The following CTNNA2 variants were observed in gnomAD, a reference collection of about 807,000 sequenced individuals.
The protein encoded by CTNNA2 is catenin alpha-2.
In CTNNA2, 42 loss-of-function variants were observed where a neutral mutation model predicts 101.0. The observed-to-expected ratio is 0.42, with a 90% CI of 0.32 to 0.54. The LOEUF (loss-of-function observed/expected upper bound fraction) is 0.54, where lower values mean the gene tolerates loss of function less well. Ranked by LOEUF, CTNNA2 falls within the 20% of genes least tolerant of loss-of-function variation. CTNNA2 has a pLI of 0.14. For synonymous variants in CTNNA2, 450 were observed against 456.4 expected, an observed-to-expected ratio of 0.99 and a Z score of 0.18; for missense variants, 871 against 1,223.1, an observed-to-expected ratio of 0.71 and a Z score of 4.29.
chr2:79,344,872 AT>A (rs1677225374), intron 3 of CTNNA2, among the ~76,000 whole-genome samples: 1 of 140,750 alleles, frequency 7.1e-6, no homozygotes, highest in African/African-American at 2.8e-5. Flanking sequence ...TATTATATTT[AT>A]ATATATAATA....
At chr2:80,050,661 A>G (rs889121350) in intron 7 of CTNNA2, among the ~76,000 whole-genome samples, 1 of 152,196 alleles carries the variant, frequency 6.6e-6, no homozygotes, top group Admixed American at 6.5e-5. Flanking sequence ...TACAAGCCAT[A>G]GACCCAAACC....
chr2:79,235,482 C>T (rs1324349974), intron 2 of CTNNA2, among the ~76,000 whole-genome samples: 3 of 152,048 alleles, frequency 2.0e-5, no homozygotes, highest in Non-Finnish European at 4.4e-5. Context: ...GTTGCCCCTT[C>T]TGACCGCTGA....
chr2:80,525,461 G>A (rs548446851), intron 9 of CTNNA2, among the ~76,000 whole-genome samples: 101 of 152,140 alleles, frequency 6.6e-4, no homozygotes, highest in African/African-American at 2.3e-3. Context: ...CAAGTTCAGC[G>A]ACTCTGAATC....
intron 7 of CTNNA2, among the ~76,000 whole-genome samples, chr2:80,389,623 G>A (rs1370154759): frequency 2.0e-5 from 3 of 152,134 alleles, no homozygotes; most frequent in Non-Finnish European, 2.9e-5. Flanking sequence ...AGGACATAAT[G>A]GCTTCCAAGT....
intron 7 of CTNNA2, among the ~76,000 whole-genome samples, chr2:80,142,208 T>C (rs1202843322): frequency 1.3e-5 from 2 of 152,182 alleles, no homozygotes; most frequent in South Asian, 2.1e-4. Context: ...CTTCATGTAT[T>C]TGACTTATGA....
rs115113139 is a variant in CTNNA2, at chr2:79,789,704, G to T, written c.298+45122G>T. Among the ~76,000 whole-genome samples the T allele has an allele frequency of 3.6e-3, 552 of 152,232 alleles. 4 individuals are homozygous for T. Among genetic ancestry groups the T allele is most frequent in the African/African-American group, 0.012 (511 of 41,556 alleles). On this transcript the variant is annotated intron_variant, in intron 3 of 18. Transcript: ENST00000402739. Reference sequence around the variant, plus strand: ...ACATTTTTACGGTAGAGTTGAGAGTGTGTGGTGAGTGGAAATGGGAAGTGG... The same window carrying T: ...ACATTTTTACGGTAGAGTTGAGAGTTTGTGGTGAGTGGAAATGGGAAGTGG...
At chr2:79,971,263 A>G (rs944897300) in intron 7 of CTNNA2, among the ~76,000 whole-genome samples, 1 of 152,164 alleles carries the variant, frequency 6.6e-6, no homozygotes. Flanking sequence ...ACTCAAAAAT[A>G]TACTTTCTTT....
At chr2:80,161,186 T>C (rs1047719833) in intron 7 of CTNNA2, among the ~76,000 whole-genome samples, 4 of 152,150 alleles carry the variant, frequency 2.6e-5, no homozygotes, top group African/African-American at 9.7e-5. Flanking sequence ...CAGCTAATTT[T>C]TGTACTTTTA....
intron 3 of CTNNA2, among the ~76,000 whole-genome samples, chr2:79,821,057 G>T (rs753283763): frequency 4.6e-5 from 7 of 152,054 alleles, no homozygotes; most frequent in Non-Finnish European, 8.8e-5. Context: ...ACAAAAATTG[G>T]TAACTAAACA....
chr2:80,358,741 T>TA (rs1453942626), intron 7 of CTNNA2, among the ~76,000 whole-genome samples: 1 of 152,188 alleles, frequency 6.6e-6, no homozygotes, highest in Admixed American at 6.5e-5. Flanking sequence ...AGTAGATATA[T>TA]AAAATGTTAT....
intron 9 of CTNNA2, among the ~76,000 whole-genome samples, chr2:80,524,249 T>C (rs915150646): frequency 5.3e-5 from 8 of 152,144 alleles, no homozygotes; most frequent in African/African-American, 1.9e-4. Context: ...ATCTGTAAAT[T>C]AGGGGTTAGA....
At chr2:79,573,924 T>C (rs1675624376) in intron 1 of CTNNA2, 1 of 154,328 alleles carries the variant, frequency 6.5e-6, no homozygotes, top group South Asian at 2.0e-4. Flanking sequence ...ATAGTCTTTA[T>C]TGATCAACAC....
intron 7 of CTNNA2, among the ~76,000 whole-genome samples, chr2:80,381,183 G>T (rs1043969701): frequency 6.6e-6 from 1 of 151,658 alleles, no homozygotes; most frequent in Non-Finnish European, 1.5e-5. Flanking sequence ...TGGGGTTGGG[G>T]GCAGCCTGGC....
chr2:80,129,289 G>A (rs1032913334), intron 7 of CTNNA2, among the ~76,000 whole-genome samples: 1 of 152,184 alleles, frequency 6.6e-6, no homozygotes, highest in Admixed American at 6.5e-5. Context: ...CAGGGGTCCC[G>A]CATTAAGCAG....
At chr2:79,389,576 G>A (rs931331339) in intron 4 of CTNNA2, among the ~76,000 whole-genome samples, 12 of 152,150 alleles carry the variant, frequency 7.9e-5, no homozygotes, top group African/African-American at 1.9e-4. Flanking sequence ...GAATAAACAA[G>A]GGCCAATTTA....
At position 80,069,704 on chromosome 2, in the gene CTNNA2, A is replaced by G. The variant is rs553742527; in HGVS notation, c.1056+159907A>G. On this transcript the variant is annotated intron_variant, in intron 7 of 18. Coordinates refer to ENST00000402739, the MANE Select transcript of CTNNA2 (RefSeq NM_001282597.3). The stretch of plus-strand genomic sequence containing the variant: ...TTGAAGAGATTTGCTTAATATATGT[A>G]CGTGTGTGTGTGTGTGTATAAATTC... 6.5e-4 allele frequency among the ~76,000 whole-genome samples: 99 copies of G among 152,260 alleles called. 3 individuals are homozygous for G. The South Asian group carries it at 0.02, about 31-fold the overall frequency.
rs193030562 is a variant in CTNNA2, at chr2:80,639,963, G to A, written c.2575-7622G>A. ...CTAAAAATACACAAATTAGCCAGGC[G>A]TGGTGGCACACATCTGTAATCCCAG... On this transcript the variant is annotated intron_variant, in intron 18 of 18. Transcript: ENST00000402739. Among the ~76,000 whole-genome samples the A allele has an allele frequency of 4.6e-5, 7 of 152,130 alleles. No individual in the cohort carries two copies. In the East Asian group the frequency reaches 9.7e-4, roughly 21 times the overall value.
At chr2:79,413,342 G>A (rs958732022) in intron 4 of CTNNA2, among the ~76,000 whole-genome samples, 2 of 151,906 alleles carry the variant, frequency 1.3e-5, no homozygotes, top group African/African-American at 4.8e-5. Context: ...TTAACTTAAT[G>A]TAATGTCCTC....
intron 7 of CTNNA2, among the ~76,000 whole-genome samples, chr2:79,983,906 T>C (rs1691572315): frequency 1.3e-5 from 2 of 152,172 alleles, no homozygotes; most frequent in South Asian, 4.1e-4. Flanking sequence ...AGAGAAAATA[T>C]AATCCAAATT....
Sources: gnomAD v4.1 joint callset for allele counts (sites outside exome capture counted in the v4.1 genomes callset) on GRCh38, gnomAD v4.1.1 for gene constraint, MANE v1.5 for transcripts, NCBI Gene and HGNC (gene_info 2026-07-23, HGNC 2026-07-21) for gene names.